Variants in CATSPER3 observed in about 807,000 individuals in gnomAD.
CATSPER3 encodes cation channel sperm-associated protein 3.
CATSPER3 carries 23 observed loss-of-function variants against 36.6 expected under a neutral mutation model. That is an observed-to-expected ratio of 0.63 (90% CI 0.45 to 0.89). CATSPER3 has a LOEUF of 0.89. CATSPER3 is among the 40% of genes least tolerant of loss of function. The probability of loss-of-function intolerance (pLI) is 0.00; values close to 1 mark genes in which losing one functional copy is unlikely to be tolerated. For synonymous variants in CATSPER3, 172 were observed against 184.1 expected (o/e 0.93, Z 0.53); for missense variants, 474 against 503.9 (o/e 0.94, Z 0.57).
chr5:135,006,141 C>T (rs935141811), intron 3 of CATSPER3, among the ~76,000 whole-genome samples: 2 of 152,218 alleles, frequency 1.3e-5, no homozygotes, highest in Non-Finnish European at 2.9e-5. Context: ...GGGCAACCCT[C>T]TCCTAGGACT....
At chr5:134,993,135 C>T (rs982397551) in intron 2 of CATSPER3, among the ~76,000 whole-genome samples, 1 of 152,282 alleles carries the variant, frequency 6.6e-6, no homozygotes, top group African/African-American at 2.4e-5. Context: ...TAGAATTCTG[C>T]ATTCTATTCC....
intron 2 of CATSPER3, among the ~76,000 whole-genome samples, chr5:134,994,072 C>T (rs886579340): frequency 5.5e-4 from 84 of 152,242 alleles, no homozygotes; most frequent in African/African-American, 1.9e-3. Context: ...TTGCAGTGTG[C>T]TGAGATTGTG....
chr5:134,985,942 A>G (rs1453827025), intron 2 of CATSPER3, among the ~76,000 whole-genome samples: 1 of 151,876 alleles, frequency 6.6e-6, no homozygotes, highest in Admixed American at 6.6e-5. Context: ...AAAACAATTG[A>G]AATTTTAAAA....
chr5:134,998,050 C>A (rs1751972193), intron 3 of CATSPER3, among the ~76,000 whole-genome samples: 1 of 152,094 alleles, frequency 6.6e-6, no homozygotes, highest in Non-Finnish European at 1.5e-5. Flanking sequence ...TTAGGTATAT[C>A]TCCTAATACT....
chr5:134,977,953 A>G (rs140925709), intron 2 of CATSPER3, among the ~76,000 whole-genome samples: 25 of 152,206 alleles, frequency 1.6e-4, no homozygotes, highest in African/African-American at 6.0e-4. Context: ...AAACAACCAG[A>G]TCTCATGTAA....
chr5:135,006,645 G>A (rs1312187056), intron 3 of CATSPER3, among the ~76,000 whole-genome samples: 1 of 151,832 alleles, frequency 6.6e-6, no homozygotes, highest in African/African-American at 2.4e-5. Flanking sequence ...GACCATCCTG[G>A]CTAACACGTG....
chr5:134,989,442 A>G (rs1021372662), intron 2 of CATSPER3, among the ~76,000 whole-genome samples: 1 of 152,240 alleles, frequency 6.6e-6, no homozygotes, highest in Non-Finnish European at 1.5e-5. Flanking sequence ...GGTTGAGTGT[A>G]GCTACTTTCA....
intron 2 of CATSPER3, among the ~76,000 whole-genome samples, chr5:134,985,189 C>G (rs1751794119): frequency 6.6e-6 from 1 of 152,096 alleles, no homozygotes; most frequent in Admixed American, 6.6e-5. Context: ...TGCCCATCAA[C>G]CAATGAGTGG....
chr5:134,967,910 A>T lies in CATSPER3; in HGVS notation c.-82A>T, dbSNP rs957156817. On this transcript the variant is annotated 5_prime_UTR_variant, in exon 1 of 8. Coordinates refer to ENST00000282611, the MANE Select transcript of CATSPER3 (RefSeq NM_178019.3). ...GGCCCCTTCTCTGCTGCCTCTCAGA[A>T]TCCAGACGCTAAGGAAAATCCCTAA... 5.7e-6 allele frequency: 6 copies of T among 1,050,226 alleles called. No homozygotes were observed. In the African/African-American group the frequency reaches 9.5e-5, roughly 17 times the overall value. 65.1% of individuals were successfully genotyped at this position (1,050,226 alleles called of 1,614,324 possible).
At chr5:134,982,184 G>A (rs1561459102) in intron 2 of CATSPER3, among the ~76,000 whole-genome samples, 1 of 152,116 alleles carries the variant, frequency 6.6e-6, no homozygotes, top group Non-Finnish European at 1.5e-5. Flanking sequence ...GATGATAAAT[G>A]AACAGAGCCT....
chr5:135,007,919 G>A, intron 3 of CATSPER3, 38 bp from the exon 4 acceptor site: 1 of 1,586,132 alleles, frequency 6.3e-7, no homozygotes. Flanking sequence ...ACCCAGCTTG[G>A]TGGTACCCTC....
chr5:134,996,803 T>C (rs2149550801), intron 3 of CATSPER3, among the ~76,000 whole-genome samples: 1 of 152,322 alleles, frequency 6.6e-6, no homozygotes, highest in African/African-American at 2.4e-5. Flanking sequence ...ACGTCTGAAC[T>C]TTTCCTCTCT....
chr5:134,969,961 G>T lies in CATSPER3; in HGVS notation c.121G>T (p.Ala41Ser). 1 of 1,614,034 alleles carries T rather than the reference G, an allele frequency of 6.2e-7. No homozygotes were observed. The highest frequency in any genetic ancestry group is 8.5e-7 in the Non-Finnish European group (1 of 1,180,012). Residue 41 changes from alanine to serine, a missense_variant, in exon 2 of 8, where the codon GCA becomes TCA. Physicochemically the swap from Ala to Ser is moderately conservative, Grantham distance 99. Transcript: ENST00000282611. ...KFKRNDDECR[A>S]FVKRVIMSRF... ...CAGGAGGAACGATGATGAATGTCGG[G>T]CATTTGTGAAGAGAGTCATAATGAG...
intron 3 of CATSPER3, among the ~76,000 whole-genome samples, chr5:134,997,524 G>A (rs1329159331): frequency 6.6e-6 from 1 of 152,200 alleles, no homozygotes; most frequent in Admixed American, 6.5e-5. Flanking sequence ...CTACACTCCA[G>A]AATATCTAGC....
At chr5:135,008,726 G>A (rs1361319082) in intron 4 of CATSPER3, 115 bp from the exon 5 acceptor site, 5 of 853,560 alleles carry the variant, frequency 5.9e-6, no homozygotes, top group African/African-American at 3.3e-5. Context: ...AGGGGATGAC[G>A]TGGAAGCGGA....
At chr5:135,006,624 C>T (rs1420536744) in intron 3 of CATSPER3, among the ~76,000 whole-genome samples, 2 of 151,920 alleles carry the variant, frequency 1.3e-5, no homozygotes, top group Admixed American at 1.3e-4. Context: ...ATCACGAGGT[C>T]GGGAGATCGA....
intron 2 of CATSPER3, among the ~76,000 whole-genome samples, chr5:134,982,103 G>A (rs1011397513): frequency 1.3e-5 from 2 of 152,136 alleles, no homozygotes; most frequent in African/African-American, 4.8e-5. Context: ...TGAGTAAATA[G>A]AATAAAGAAT....
chr5:134,970,244 C>G, intron 2 of CATSPER3, 152 bp downstream of exon 2: 1 of 735,854 alleles, frequency 1.4e-6, no homozygotes, highest in South Asian at 1.6e-5. Context: ...CAACCTCCAT[C>G]TCCACCTCCC....
chr5:135,010,835 A>G (rs1351959206), intron 7 of CATSPER3, among the ~76,000 whole-genome samples: 1 of 152,190 alleles, frequency 6.6e-6, no homozygotes, highest in African/African-American at 2.4e-5. Context: ...CAGAGTGCAG[A>G]GGAAAGACCA....
Sources: gnomAD v4.1 joint callset for allele counts (sites outside exome capture counted in the v4.1 genomes callset) on GRCh38, gnomAD v4.1.1 for gene constraint, MANE v1.5 for transcripts, NCBI Gene and HGNC (gene_info 2026-07-23, HGNC 2026-07-21) for gene names.